UBR1: variants seen among roughly 807,000 people sequenced by gnomAD.
UBR1 encodes the protein E3 ubiquitin-protein ligase UBR1.
A neutral mutation model predicts 242.1 loss-of-function variants in UBR1; 102 were observed. That is an observed-to-expected ratio of 0.42 (90% CI 0.36 to 0.50). The LOEUF is 0.50. Among genes scored for constraint, UBR1 ranks in the 20% least tolerant of loss-of-function variants. The pLI, the probability that UBR1 is intolerant of heterozygous loss-of-function variation, is 0.01. For missense variants in UBR1, 1,772 were observed against 2,101.8 expected (o/e 0.84, Z 3.07); for synonymous variants, 675 against 684.8 (o/e 0.99, Z 0.22).
intron 32 of UBR1, among the ~76,000 whole-genome samples, chr15:42,998,630 A>G (rs561907343): frequency 6.6e-6 from 1 of 152,240 alleles, no homozygotes; most frequent in South Asian, 2.1e-4. Context: ...TCTTTCAAAT[A>G]TATCCCAAGT....
chr15:42,977,858 A>C, intron 38 of UBR1, 22 bp downstream of exon 38: 3 of 1,596,778 alleles, frequency 1.9e-6, no homozygotes, highest in Non-Finnish European at 2.6e-6. Flanking sequence ...GAGTGACTTA[A>C]ACAAAATTAC....
At chr15:43,070,731 A>T in intron 5 of UBR1, 64 bp downstream of exon 5, 1 of 1,602,664 alleles carries the variant, frequency 6.2e-7, no homozygotes, top group Non-Finnish European at 8.5e-7. Flanking sequence ...ACAATTATCA[A>T]ACACACATTT....
At chr15:43,020,105 T>C (rs2033089024) in intron 27 of UBR1, among the ~76,000 whole-genome samples, 1 of 152,018 alleles carries the variant, frequency 6.6e-6, no homozygotes, top group African/African-American at 2.4e-5. Flanking sequence ...AGTGGTGCGA[T>C]CTTGGCTCAC....
intron 39 of UBR1, among the ~76,000 whole-genome samples, chr15:42,972,661 G>A (rs1275357018): frequency 6.6e-6 from 1 of 152,114 alleles, no homozygotes; most frequent in Non-Finnish European, 1.5e-5. Flanking sequence ...GTGAGTCACC[G>A]TGCCCGGCCG....
intron 29 of UBR1, among the ~76,000 whole-genome samples, chr15:43,014,267 C>T (rs1322647382): frequency 6.6e-6 from 1 of 152,256 alleles, no homozygotes; most frequent in Non-Finnish European, 1.5e-5. Flanking sequence ...CTTGGCCTCC[C>T]AAAGTGCCGA....
chr15:42,999,739 G>T (rs1046704342), intron 32 of UBR1, among the ~76,000 whole-genome samples: 1 of 151,768 alleles, frequency 6.6e-6, no homozygotes, highest in Non-Finnish European at 1.5e-5. Context: ...GAGGTGGAAG[G>T]ATCATCTGAG....
Position 42,997,366 on chromosome 15 carries a change from T to A in UBR1, c.3757+802A>T, listed in dbSNP as rs2032656220. Among the ~76,000 whole-genome samples the A allele has an allele frequency of 5.3e-5, 8 of 152,184 alleles. No individual in the cohort carries two copies. In the South Asian group the frequency reaches 1.7e-3, roughly 32 times the overall value. On this transcript the variant is annotated intron_variant, in intron 33 of 46. Coordinates refer to ENST00000290650, the MANE Select transcript of UBR1 (RefSeq NM_174916.3). Reference sequence around the variant, plus strand: ...AATTATTTCGTTATATATTACAATGTAATAATAATAGAAATAAAATGCACA... The same window carrying A: ...AATTATTTCGTTATATATTACAATGAAATAATAATAGAAATAAAATGCACA...
chr15:43,087,526 C>G (rs1596138795), intron 1 of UBR1, among the ~76,000 whole-genome samples: 1 of 152,104 alleles, frequency 6.6e-6, no homozygotes, highest in East Asian at 1.9e-4. Flanking sequence ...TACTAATGAA[C>G]CTCAATATTC....
chr15:43,063,832 G>T (rs940856863), intron 6 of UBR1, among the ~76,000 whole-genome samples: 1 of 152,038 alleles, frequency 6.6e-6, no homozygotes, highest in African/African-American at 2.4e-5. Context: ...CACCTCCTGG[G>T]TTCAAGTGAT....
intron 24 of UBR1, 82 bp from the exon 25 acceptor site, chr15:43,025,065 T>C: frequency 2.6e-6 from 4 of 1,541,144 alleles, no homozygotes; most frequent in Non-Finnish European, 3.6e-6. Context: ...AAAGTGCAAA[T>C]GTCAAAAAAT....
intron 43 of UBR1, among the ~76,000 whole-genome samples, chr15:42,960,211 T>G (rs2031992010): frequency 6.6e-6 from 1 of 152,158 alleles, no homozygotes; most frequent in Non-Finnish European, 1.5e-5. Flanking sequence ...GAAAAGTTTT[T>G]GGGGTAGTTT....
At chr15:43,021,504 T>C (rs547267648) in intron 26 of UBR1, 129 bp from the exon 27 acceptor site, 68 of 777,844 alleles carry the variant, frequency 8.7e-5, no homozygotes, top group Middle Eastern at 2.6e-4. Flanking sequence ...TGTAAAATGG[T>C]GTAGTATTTG....
Position 43,003,831 on chromosome 15 carries a change from A to G in UBR1, c.3509+6T>C. On this transcript the variant is annotated splice_donor_region_variant and intron_variant, in intron 31 of 46. Transcript: ENST00000290650. ...CTTTCAAGAACATGTCAGAAGGACA[A>G]CTTACTTCTGCCAGCACACTGCGTG... 2.5e-6 allele frequency: 4 copies of G among 1,613,732 alleles called. No homozygotes were observed. Among genetic ancestry groups the G allele is most frequent in the East Asian group, 4.5e-5 (2 of 44,866 alleles).
Position 43,003,942 on chromosome 15 carries a change from T to A in UBR1, c.3416-12A>T. On this transcript the variant is annotated splice_polypyrimidine_tract_variant and intron_variant, in intron 30 of 46. Coordinates refer to ENST00000290650, the MANE Select transcript of UBR1 (RefSeq NM_174916.3). ...TGGGTCTAGGGCTTCTGGTACAAGG[T>A]ATAAAAAGGAGGGAAAAAGAGAGAC... 6.2e-7 allele frequency: 1 copy of A among 1,612,456 alleles called. No homozygotes were observed. The highest frequency in any genetic ancestry group is 8.5e-7 in the Non-Finnish European group (1 of 1,178,578).
intron 12 of UBR1, 61 bp from the exon 13 acceptor site, chr15:43,048,552 C>T (rs1210507290): frequency 2.2e-6 from 3 of 1,336,988 alleles, no homozygotes; most frequent in East Asian, 4.8e-5. Context: ...TTTTAAGGTT[C>T]TCAGGGTTAT....
At chr15:43,102,745 C>A (rs1435148970) in intron 1 of UBR1, among the ~76,000 whole-genome samples, 1 of 152,200 alleles carries the variant, frequency 6.6e-6, no homozygotes. Flanking sequence ...CCTATTGTTT[C>A]CACGTTCTTA....
At chr15:42,983,665 C>CAATAATAATAAT (rs60519719) in intron 37 of UBR1, among the ~76,000 whole-genome samples, 3,687 of 137,264 alleles carry the variant, frequency 0.027, 76 homozygotes, top group East Asian at 0.051. Context: ...AACTCCCACT[C>CAATAATAATAAT]AATAATAATA....
chr15:43,057,102 T>C (rs1296121797), intron 10 of UBR1, among the ~76,000 whole-genome samples: 1 of 152,126 alleles, frequency 6.6e-6, no homozygotes, highest in East Asian at 1.9e-4. Flanking sequence ...GTAACCATGG[T>C]GTACAAAAAA....
At chr15:42,995,802 T>C (rs951769627) in intron 33 of UBR1, among the ~76,000 whole-genome samples, 28 of 152,302 alleles carry the variant, frequency 1.8e-4, no homozygotes, top group African/African-American at 6.7e-4. Context: ...TTAGCACTTG[T>C]GGTAAAGGTT....
Sources: allele counts gnomAD v4.1 joint callset (sites outside exome capture counted in the v4.1 genomes callset), GRCh38; gene constraint gnomAD v4.1.1; transcripts MANE v1.5; gene names NCBI Gene and HGNC (gene_info 2026-07-23, HGNC 2026-07-21).